ANKMY1: variants seen among roughly 807,000 people sequenced by gnomAD.
The protein encoded by ANKMY1 is ankyrin repeat and MYND domain-containing protein 1.
In ANKMY1, 98 loss-of-function variants were observed where a neutral mutation model predicts 102.0. The observed-to-expected ratio is 0.96, with a 90% CI of 0.82 to 1.14. The LOEUF (loss-of-function observed/expected upper bound fraction) is 1.14, where lower values mean the gene tolerates loss of function less well. Ranked by LOEUF, ANKMY1 falls within the 50% of genes most tolerant of loss-of-function variation. The pLI is 0.00. For missense variants in ANKMY1, 1,330 were observed against 1,347.6 expected, an observed-to-expected ratio of 0.99 and a Z score of 0.20; for synonymous variants, 582 against 559.9, an observed-to-expected ratio of 1.04 and a Z score of -0.56.
intron 3 of ANKMY1, chr2:240,554,036 A>T (rs1423359652): frequency 6.6e-6 from 1 of 152,304 alleles, no homozygotes; most frequent in African/African-American, 2.4e-5. Flanking sequence ...CAGTCCACCC[A>T]GACCTGACCC....
intron 15 of ANKMY1, among the ~76,000 whole-genome samples, chr2:240,496,254 T>C (rs950625380): frequency 2.6e-5 from 4 of 152,238 alleles, no homozygotes; most frequent in South Asian, 2.1e-4. Flanking sequence ...CCTAGATAGA[T>C]AAATTATTTT....
Position 240,557,182 on chromosome 2 carries a change from C to A in ANKMY1, c.146+8G>T. 6.6e-7 allele frequency: 1 copy of A among 1,512,578 alleles called. No homozygotes were observed. The highest frequency in any genetic ancestry group is 8.9e-7 in the Non-Finnish European group (1 of 1,123,466). 93.7% of individuals were successfully genotyped at this position (1,512,578 alleles called of 1,614,324 possible). ...GGTCGGACCTCCCCGCTGGAGGGTCCCCCGCACCTTGTGGCGAAGACAGCG... is the reference window on the plus strand; with the variant it reads ...GGTCGGACCTCCCCGCTGGAGGGTCACCCGCACCTTGTGGCGAAGACAGCG... On this transcript the variant is annotated splice_region_variant and intron_variant, in intron 2 of 17. Coordinates refer to ENST00000401804, the MANE Select transcript of ANKMY1 (RefSeq NM_001282771.3).
chr2:240,540,818 G>A (rs368847202), intron 4 of ANKMY1, among the ~76,000 whole-genome samples: 1 of 152,168 alleles, frequency 6.6e-6, no homozygotes, highest in Admixed American at 6.5e-5. Context: ...CGCATTGCTC[G>A]TGCATCAGCA....
At chr2:240,545,569 G>A (rs1027115929) in intron 4 of ANKMY1, among the ~76,000 whole-genome samples, 1 of 152,052 alleles carries the variant, frequency 6.6e-6, no homozygotes, top group African/African-American at 2.4e-5. Context: ...TCCAAGCTAC[G>A]GGAGGAAATT....
intron 2 of ANKMY1, among the ~76,000 whole-genome samples, chr2:240,555,982 G>C (rs1172996320): frequency 1.3e-5 from 2 of 152,248 alleles, no homozygotes; most frequent in African/African-American, 4.8e-5. Context: ...GGCCGTCCCT[G>C]GCCAAGGTGC....
chr2:240,561,014 G>A (rs1179972089), upstream of ANKMY1: 1 of 1,534,176 alleles, frequency 6.5e-7, no homozygotes. Context: ...GCAGCCGCTC[G>A]GCCGCCGTCT....
At chr2:240,549,535 GCTT>G (rs1385218539) in intron 4 of ANKMY1, among the ~76,000 whole-genome samples, 3 of 152,308 alleles carry the variant, frequency 2.0e-5, no homozygotes, top group African/African-American at 4.8e-5. Flanking sequence ...AAATTAAAGA[GCTT>G]CTGCACAGCA....
intron 8 of ANKMY1, chr2:240,523,064 C>T (rs781706673): frequency 6.6e-6 from 1 of 152,186 alleles, no homozygotes; most frequent in Non-Finnish European, 1.5e-5. Flanking sequence ...CTGGGGGAAG[C>T]GCTTCTTGCG....
chr2:240,497,980 G>A (rs138382001), intron 15 of ANKMY1, among the ~76,000 whole-genome samples: 2 of 152,204 alleles, frequency 1.3e-5, no homozygotes, highest in African/African-American at 4.8e-5. Context: ...GTACAAGCCT[G>A]ATTAGAACCC....
At chr2:240,532,337 G>A (rs2152448286) in intron 4 of ANKMY1, among the ~76,000 whole-genome samples, 1 of 152,208 alleles carries the variant, frequency 6.6e-6, no homozygotes. Flanking sequence ...CAAGAACTGA[G>A]GCAAAAACAA....
At chr2:240,507,923 G>T in intron 12 of ANKMY1, 1 of 412,152 alleles carries the variant, frequency 2.4e-6, no homozygotes, top group Non-Finnish European at 4.3e-6. Context: ...TTAGGGAGGA[G>T]CTGGAACTCC....
At chr2:240,480,484 AAGAC>A (rs1234635956) in intron 17 of ANKMY1, among the ~76,000 whole-genome samples, 1 of 152,230 alleles carries the variant, frequency 6.6e-6, no homozygotes, top group African/African-American at 2.4e-5. Flanking sequence ...CGTCCACACT[AAGAC>A]AGACATCTGA....
chr2:240,521,013 G>A (rs1298598521), intron 8 of ANKMY1, among the ~76,000 whole-genome samples: 1 of 152,032 alleles, frequency 6.6e-6, no homozygotes, highest in Non-Finnish European at 1.5e-5. Context: ...ACACACCTCT[G>A]AGGGGTCACT....
chr2:240,532,780 A>G (rs941344044), intron 4 of ANKMY1, among the ~76,000 whole-genome samples: 7 of 152,162 alleles, frequency 4.6e-5, no homozygotes, highest in African/African-American at 1.2e-4. Context: ...TCCCCCCTAT[A>G]TATGTCCTCA....
intron 15 of ANKMY1, among the ~76,000 whole-genome samples, chr2:240,495,165 G>A (rs1162913611): frequency 6.6e-6 from 1 of 152,154 alleles, no homozygotes. Flanking sequence ...TGTCTGGGAA[G>A]ACGCCCGTTA....
chr2:240,490,816 A>G (rs1227701316), intron 15 of ANKMY1, among the ~76,000 whole-genome samples: 1 of 152,148 alleles, frequency 6.6e-6, no homozygotes, highest in East Asian at 1.9e-4. Flanking sequence ...TTGTTAGATA[A>G]AATGTTCTGT....
intron 4 of ANKMY1, among the ~76,000 whole-genome samples, chr2:240,544,495 G>C (rs867081886): frequency 4.3e-4 from 66 of 152,228 alleles, no homozygotes; most frequent in Admixed American, 7.9e-4. Context: ...TACTCTTGGG[G>C]GGGGAGGAGC....
chr2:240,513,611 C>T (rs113720901), intron 9 of ANKMY1, among the ~76,000 whole-genome samples: 7 of 152,370 alleles, frequency 4.6e-5, no homozygotes, highest in Middle Eastern at 3.4e-3. Flanking sequence ...TGGGAAGAGC[C>T]ACCAGCATGA....
At position 240,555,074 on chromosome 2, in the gene ANKMY1, A is replaced by G. The variant is rs372443532; in HGVS notation, c.147-19T>C. Reference sequence around the variant, plus strand: ...AACATCCCTAAAAGGACAGGAGCAGAAGGAGGGAAGAGTGAAGTGGCTGCA... The same window carrying G: ...AACATCCCTAAAAGGACAGGAGCAGGAGGAGGGAAGAGTGAAGTGGCTGCA... On this transcript the variant is annotated intron_variant, in intron 2 of 17. Transcript: ENST00000401804. The G allele has an allele frequency of 7.6e-5, 122 of 1,612,370 alleles. No individual in the cohort carries two copies. The African/African-American group carries it at 1.3e-3, about 17-fold the overall frequency.
Sources: gnomAD v4.1 joint callset for allele counts (sites outside exome capture counted in the v4.1 genomes callset) on GRCh38, gnomAD v4.1.1 for gene constraint, MANE v1.5 for transcripts, NCBI Gene and HGNC (gene_info 2026-07-23, HGNC 2026-07-21) for gene names.